ARHGAP6: variants seen among roughly 807,000 people sequenced by gnomAD.
The protein encoded by ARHGAP6 is rho GTPase-activating protein 6.
In ARHGAP6, 16 loss-of-function variants were observed where a neutral mutation model predicts 55.7. The observed-to-expected ratio is 0.29, with a 90% confidence interval of 0.19 to 0.44. The LOEUF (loss-of-function observed/expected upper bound fraction) is 0.44. Among genes scored for constraint, ARHGAP6 ranks in the 20% least tolerant of loss-of-function variants. The pLI is 1.00. For synonymous variants in ARHGAP6, 382 were observed against 360.9 expected (o/e 1.06, Z -0.66); for missense variants, 698 against 808.9 (o/e 0.86, Z 1.66).
chrX:11,222,729 A>T (rs1342843410), intron 2 of ARHGAP6, among the ~76,000 whole-genome samples: 1 of 111,766 alleles, frequency 8.9e-6, no homozygotes, highest in Non-Finnish European at 1.9e-5. Flanking sequence ...TTTATTGTGT[A>T]TTATGTTATG....
intron 1 of ARHGAP6, among the ~76,000 whole-genome samples, chrX:11,543,808 T>C (rs2051185130): frequency 8.9e-6 from 1 of 112,236 alleles, no homozygotes; most frequent in Non-Finnish European, 1.9e-5. Flanking sequence ...ACTGCAAATG[T>C]GTATGTATGT....
At chrX:11,212,887 G>A (rs927741306) in intron 2 of ARHGAP6, among the ~76,000 whole-genome samples, 1 of 112,619 alleles carries the variant, frequency 8.9e-6, no homozygotes, top group East Asian at 2.8e-4. Flanking sequence ...CCTGAGTCCC[G>A]GGTTCTTGCA....
intron 2 of ARHGAP6, among the ~76,000 whole-genome samples, chrX:11,248,424 A>G: frequency 8.9e-6 from 1 of 112,324 alleles, no homozygotes; most frequent in Non-Finnish European, 1.9e-5. Flanking sequence ...GCTGGGACTT[A>G]ATTAAACCAA....
At chrX:11,202,799 CAAAAAAAAAAAA>C (rs776633959) in intron 2 of ARHGAP6, among the ~76,000 whole-genome samples, 1 of 9,453 alleles carries the variant, frequency 1.1e-4, no homozygotes, top group East Asian at 6.6e-3. Context: ...GACTCCGTCT[CAAAAAAAAAAAA>C]AAAAAAAAAA....
chrX:11,465,446 A>G (rs2050283464), intron 1 of ARHGAP6, among the ~76,000 whole-genome samples: 1 of 112,652 alleles, frequency 8.9e-6, no homozygotes. Context: ...AAATGTAAAA[A>G]TAAGTAGTTG....
At chrX:11,494,372 A>T (rs1447652851) in intron 1 of ARHGAP6, among the ~76,000 whole-genome samples, 1 of 112,698 alleles carries the variant, frequency 8.9e-6, no homozygotes, top group Non-Finnish European at 1.9e-5. Flanking sequence ...GACATGCTAT[A>T]AAAACTTGTG....
intron 1 of ARHGAP6, among the ~76,000 whole-genome samples, chrX:11,558,510 G>A (rs2051344634): frequency 9.0e-6 from 1 of 111,072 alleles, no homozygotes; most frequent in African/African-American, 3.3e-5. Context: ...AACTTTAGTT[G>A]CACTAAGATA....
chrX:11,555,468 T>C (rs145628471), intron 1 of ARHGAP6, among the ~76,000 whole-genome samples: 108 of 111,259 alleles, frequency 9.7e-4, no homozygotes, highest in African/African-American at 3.4e-3. Flanking sequence ...GTGAGCCACA[T>C]TGGGACAGGG....
At chrX:11,452,623 C>A (rs1352004190) in intron 1 of ARHGAP6, among the ~76,000 whole-genome samples, 1 of 111,942 alleles carries the variant, frequency 8.9e-6, no homozygotes, top group Non-Finnish European at 1.9e-5. Flanking sequence ...CAAAAACTTC[C>A]ATTCAGAATG....
At chrX:11,358,435 T>A (rs933535820) in intron 1 of ARHGAP6, among the ~76,000 whole-genome samples, 2 of 25,687 alleles carry the variant, frequency 7.8e-5, no homozygotes, top group African/African-American at 3.3e-4. Flanking sequence ...AACTGTATCT[T>A]TCTTTCTTTC....
intron 1 of ARHGAP6, among the ~76,000 whole-genome samples, chrX:11,314,166 T>C (rs1426115885): frequency 1.8e-5 from 2 of 112,446 alleles, no homozygotes; most frequent in Non-Finnish European, 3.8e-5. Context: ...GACAATGAAA[T>C]TGGCACTTGC....
intron 1 of ARHGAP6, among the ~76,000 whole-genome samples, chrX:11,560,833 T>C (rs748571796): frequency 1.8e-5 from 2 of 112,419 alleles, no homozygotes; most frequent in Non-Finnish European, 3.7e-5. Flanking sequence ...AATCTTTTAC[T>C]GTTTAGCATT....
chrX:11,265,925 C>G, intron 1 of ARHGAP6: 2 of 955,767 alleles, frequency 2.1e-6, no homozygotes, highest in South Asian at 4.3e-5. Context: ...AATATGCAAT[C>G]TTTTCATCGG....
At chrX:11,494,022 C>A (rs956825153) in intron 1 of ARHGAP6, among the ~76,000 whole-genome samples, 10 of 109,898 alleles carry the variant, frequency 9.1e-5, no homozygotes, top group Non-Finnish European at 1.7e-4. Context: ...GAAAACTGGG[C>A]TCCTCAACAC....
intron 1 of ARHGAP6, among the ~76,000 whole-genome samples, chrX:11,503,588 T>C (rs1400448893): frequency 9.0e-6 from 1 of 111,697 alleles, no homozygotes; most frequent in East Asian, 2.8e-4. Flanking sequence ...AATTGATTAC[T>C]CTTTAGCCCT....
intron 1 of ARHGAP6, among the ~76,000 whole-genome samples, chrX:11,506,396 C>T (rs1223286488): frequency 9.1e-6 from 1 of 110,136 alleles, no homozygotes; most frequent in African/African-American, 3.3e-5. Flanking sequence ...CCCTAGCCCC[C>T]CACCCCACGA....
Position 11,307,702 on chromosome X carries a change from C to A in ARHGAP6, c.589-52995G>T, listed in dbSNP as rs768275984. Reference sequence around the variant, plus strand: ...TTTTTAAAGTACTTATTAAACATTGCTAAAATGTGCAGTTCTTATCAGCAG... The same window carrying A: ...TTTTTAAAGTACTTATTAAACATTGATAAAATGTGCAGTTCTTATCAGCAG... On this transcript the variant is annotated intron_variant, in intron 1 of 12. Coordinates refer to ENST00000337414, the MANE Select transcript of ARHGAP6 (RefSeq NM_013427.3). Among the ~76,000 whole-genome samples the A allele has an allele frequency of 3.7e-3, 414 of 112,304 alleles. 1 individual carries two copies. Among genetic ancestry groups the A allele is most frequent in the Middle Eastern group, 0.014 (3 of 217 alleles).
At chrX:11,298,059 C>G in intron 1 of ARHGAP6, 6 of 1,182,877 alleles carry the variant, frequency 5.1e-6, no homozygotes, top group Non-Finnish European at 6.9e-6. Context: ...GCCTGTCACA[C>G]AGGAAGCACC....
At chrX:11,511,387 AC>A (rs1432757576) in intron 1 of ARHGAP6, among the ~76,000 whole-genome samples, 1 of 112,303 alleles carries the variant, frequency 8.9e-6, no homozygotes, top group Non-Finnish European at 1.9e-5. Flanking sequence ...TTGATACTGC[AC>A]CCAGAGAGGA....
Sources: gnomAD v4.1 joint callset for allele counts (sites outside exome capture counted in the v4.1 genomes callset) on GRCh38, gnomAD v4.1.1 for gene constraint, MANE v1.5 for transcripts, NCBI Gene and HGNC (gene_info 2026-07-23, HGNC 2026-07-21) for gene names.